Variants in PATJ observed in about 807,000 individuals in gnomAD.
PATJ encodes inaD-like protein.
A neutral mutation model predicts 224.9 loss-of-function variants in PATJ; 190 were observed. That is an observed-to-expected ratio of 0.84 (90% confidence interval 0.75 to 0.95). PATJ has a LOEUF of 0.95. PATJ is among the 40% of genes least tolerant of loss of function. PATJ has a pLI of 0.00. For synonymous variants in PATJ, 769 were observed against 820.3 expected (o/e 0.94, Z 1.07); for missense variants, 2,121 against 2,270.3 (o/e 0.93, Z 1.34).
intron 22 of PATJ, among the ~76,000 whole-genome samples, chr1:61,886,679 G>A (rs1372518881): frequency 6.6e-6 from 1 of 151,726 alleles, no homozygotes; most frequent in Non-Finnish European, 1.5e-5. Context: ...AATTAGCCAG[G>A]CATGGTGGTG....
At chr1:62,010,191 A>G (rs1646358827) in intron 28 of PATJ, among the ~76,000 whole-genome samples, 1 of 151,984 alleles carries the variant, frequency 6.6e-6, no homozygotes, top group Non-Finnish European at 1.5e-5. Context: ...ATCCAGTCCC[A>G]TCTTCAGGCT....
At chr1:62,020,198 A>T (rs1395200973) in intron 29 of PATJ, among the ~76,000 whole-genome samples, 2 of 152,140 alleles carry the variant, frequency 1.3e-5, no homozygotes, top group Non-Finnish European at 2.9e-5. Context: ...CTAGTACATG[A>T]GAAGATATAT....
At chr1:61,952,479 G>A in intron 27 of PATJ, 1 of 714,568 alleles carries the variant, frequency 1.4e-6, no homozygotes, top group South Asian at 1.5e-5. Context: ...TTTTAGTGTT[G>A]GTGCAGAATG....
Position 61,830,664 on chromosome 1 carries a change from T to G in PATJ, c.1981-2990T>G, listed in dbSNP as rs926219395. Among the ~76,000 whole-genome samples, 2 of 152,252 alleles carry G rather than the reference T, an allele frequency of 1.3e-5. 1 individual carries two copies. The highest frequency in any genetic ancestry group is 6.8e-3 in the Middle Eastern group (2 of 294). ...GGCTATAGTAATCAAAACAGCATAG[T>G]ATTGGTACAAAAATAGACACATAGA... On this transcript the variant is annotated intron_variant, in intron 16 of 43. Coordinates refer to ENST00000642238, the MANE Select transcript of PATJ (RefSeq NM_001350145.3).
At chr1:62,109,953 G>T (rs1395291875) in intron 34 of PATJ, among the ~76,000 whole-genome samples, 2 of 152,134 alleles carry the variant, frequency 1.3e-5, no homozygotes, top group Admixed American at 6.6e-5. Context: ...TAGACCCTCT[G>T]TAGCTGCTCT....
chr1:61,838,230 C>T (rs988608060), intron 17 of PATJ, among the ~76,000 whole-genome samples: 5 of 152,172 alleles, frequency 3.3e-5, no homozygotes, highest in Non-Finnish European at 5.9e-5. Context: ...TAAAATCCCA[C>T]TCTGTATGTG....
At chr1:61,809,380 G>A (rs897003416) in intron 14 of PATJ, among the ~76,000 whole-genome samples, 3 of 148,674 alleles carry the variant, frequency 2.0e-5, no homozygotes, top group African/African-American at 5.0e-5. Flanking sequence ...TTTTAAGAAT[G>A]TATTTTCTTT....
chr1:62,082,948 C>T (rs924270051), intron 32 of PATJ, among the ~76,000 whole-genome samples: 1 of 152,116 alleles, frequency 6.6e-6, no homozygotes, highest in African/African-American at 2.4e-5. Context: ...CTCATCAGCC[C>T]TTTCCTGAAT....
In PATJ at chr1:61,884,417, T is replaced by A. The variant is rs1668520167; in HGVS notation, c.3131+9T>A. ...TATGCCACTGATACATGGTATGATATCATTTCTCTTTGTTTTCACATTATA... is the reference window on the plus strand; with the variant it reads ...TATGCCACTGATACATGGTATGATAACATTTCTCTTTGTTTTCACATTATA... On this transcript the variant is annotated intron_variant, in intron 22 of 43. Transcript: ENST00000642238. 4 of 1,450,184 alleles carry A rather than the reference T, an allele frequency of 2.8e-6. No homozygotes were observed. Among genetic ancestry groups the A allele is most frequent in the Non-Finnish European group, 3.7e-6 (4 of 1,083,910 alleles). The allele number at this position is 1,450,184 out of a possible 1,614,324, so 89.8% of individuals were successfully genotyped here.
At chr1:61,754,167 A>G (rs1645488537) in intron 1 of PATJ, among the ~76,000 whole-genome samples, 2 of 152,212 alleles carry the variant, frequency 1.3e-5, no homozygotes, top group Non-Finnish European at 2.9e-5. Context: ...GCTGTGACCA[A>G]TTGTAGGTAG....
rs141496571 is a variant in PATJ, at chr1:61,864,466, C to T, written c.2668C>T (p.Pro890Ser). ...QDPSPSMELYPLSHIQEATPV... is the reference protein window; with the variant it reads ...QDPSPSMELYSLSHIQEATPV... ...TCCCTCACCATCCATGGAGTTGTATCCCTTGTCGCACATTCAAGAGGCCAC... is the reference window on the plus strand; with the variant it reads ...TCCCTCACCATCCATGGAGTTGTATTCCTTGTCGCACATTCAAGAGGCCAC... Residue 890 changes from proline (P) to serine (S), a missense_variant, in exon 20 of 44, where the codon CCC becomes TCC. Physicochemically the swap from Pro to Ser is moderately conservative, Grantham distance 74. Transcript: ENST00000642238. 2 of 1,613,870 alleles carry T rather than the reference C, an allele frequency of 1.2e-6. No homozygotes were observed. Among genetic ancestry groups the T allele is most frequent in the Non-Finnish European group, 1.7e-6 (2 of 1,179,870 alleles).
intron 27 of PATJ, among the ~76,000 whole-genome samples, chr1:61,945,490 A>G (rs369776292): frequency 6.6e-6 from 1 of 152,220 alleles, no homozygotes; most frequent in Non-Finnish European, 1.5e-5. Flanking sequence ...GAAGGCCATT[A>G]CATAATGGGA....
chr1:61,788,324 T>C (rs1649040249), intron 8 of PATJ, among the ~76,000 whole-genome samples: 1 of 152,132 alleles, frequency 6.6e-6, no homozygotes, highest in African/African-American at 2.4e-5. Flanking sequence ...AGCCACAGGC[T>C]GGTTAAAGGG....
rs531138559 is a variant in PATJ, at chr1:61,963,641, A to C, written c.3671-26527A>C. 2.6e-5 allele frequency among the ~76,000 whole-genome samples: 4 copies of C among 152,228 alleles called. No homozygotes were observed. The East Asian group carries it at 7.7e-4, about 29-fold the overall frequency. On this transcript the variant is annotated intron_variant, in intron 27 of 43. Coordinates refer to ENST00000642238, the MANE Select transcript of PATJ (RefSeq NM_001350145.3). ...ATCAGGAGGAAAAAATATATTTACTATTCATTAAGTGGAAGTGGATCATCA... is the reference window on the plus strand; with the variant it reads ...ATCAGGAGGAAAAAATATATTTACTCTTCATTAAGTGGAAGTGGATCATCA...
At chr1:62,006,188 C>T (rs369164765) in intron 28 of PATJ, among the ~76,000 whole-genome samples, 67 of 152,310 alleles carry the variant, frequency 4.4e-4, no homozygotes, top group Middle Eastern at 3.4e-3. Flanking sequence ...AATCTCGGCT[C>T]TCTGCAACCT....
At chr1:61,791,575 A>C in intron 9 of PATJ, 128 bp downstream of exon 9, 1 of 534,380 alleles carries the variant, frequency 1.9e-6, no homozygotes, top group East Asian at 3.1e-5. Flanking sequence ...CTATACTAGC[A>C]AGCAGTCACT....
chr1:62,014,208 T>G (rs965057927), intron 28 of PATJ, among the ~76,000 whole-genome samples: 3 of 151,836 alleles, frequency 2.0e-5, no homozygotes, highest in South Asian at 2.1e-4. Context: ...CAGGCACACA[T>G]CACCATAACT....
At chr1:62,092,986 G>T (rs896176428) in intron 33 of PATJ, among the ~76,000 whole-genome samples, 1 of 151,296 alleles carries the variant, frequency 6.6e-6, no homozygotes, top group Non-Finnish European at 1.5e-5. Flanking sequence ...CAGGCAATCC[G>T]CCCGCCTCAG....
intron 41 of PATJ, among the ~76,000 whole-genome samples, chr1:62,143,483 C>T (rs1202243713): frequency 8.0e-6 from 1 of 124,600 alleles, no homozygotes; most frequent in African/African-American, 3.2e-5. Flanking sequence ...CAGCGTCTCC[C>T]TCTGTCACCC....
Sources: gnomAD v4.1 joint callset for allele counts (sites outside exome capture counted in the v4.1 genomes callset) on GRCh38, gnomAD v4.1.1 for gene constraint, MANE v1.5 for transcripts, NCBI Gene and HGNC (gene_info 2026-07-23, HGNC 2026-07-21) for gene names.